Variants in POLK observed in about 807,000 individuals in gnomAD.
POLK encodes the protein polymerase (DNA directed) kappa.
Under a neutral mutation model 94.0 loss-of-function variants are expected in POLK, and 76 were observed. That is an observed-to-expected ratio of 0.81 (90% CI 0.67 to 0.98). POLK has a LOEUF of 0.98. Ranked by LOEUF, POLK falls within the 50% of genes least tolerant of loss-of-function variation. The probability of loss-of-function intolerance (pLI) is 0.00; values close to 1 mark genes in which losing one functional copy is unlikely to be tolerated. For synonymous variants in POLK, 349 were observed against 325.4 expected, an observed-to-expected ratio of 1.07 and a Z score of -0.78; for missense variants, 954 against 1,010.1, an observed-to-expected ratio of 0.94 and a Z score of 0.75.
At chr5:75,566,549 G>A (rs1339118723) in intron 3 of POLK, among the ~76,000 whole-genome samples, 3 of 152,196 alleles carry the variant, frequency 2.0e-5, no homozygotes, top group Admixed American at 6.5e-5. Context: ...TGGGAAAAGC[G>A]TAATATCTAG....
At chr5:75,511,502 C>A (rs1199101759), upstream of POLK, 8 of 1,485,044 alleles carry the variant, frequency 5.4e-6, no homozygotes, top group Non-Finnish European at 7.1e-6. Flanking sequence ...CCGAACTTAG[C>A]CCCCTCGATG....
chr5:75,550,484 C>T (rs1770282380), intron 2 of POLK, among the ~76,000 whole-genome samples: 1 of 152,070 alleles, frequency 6.6e-6, no homozygotes, highest in Non-Finnish European at 1.5e-5. Context: ...GAGGCTGAGA[C>T]AGGAGAATTG....
At chr5:75,558,467 C>T (rs1000578566) in intron 3 of POLK, among the ~76,000 whole-genome samples, 16 of 152,102 alleles carry the variant, frequency 1.1e-4, no homozygotes, top group African/African-American at 3.1e-4. Context: ...TTTATTGAAT[C>T]ATGAATCCTT....
At chr5:75,511,261 A>T, upstream of POLK, 1 of 1,599,034 alleles carries the variant, frequency 6.3e-7, no homozygotes, top group Non-Finnish European at 8.5e-7. Context: ...GCTGCGCCGG[A>T]GGAGGCGCCC....
rs556931783 is a variant in POLK at position 75,573,774 on chromosome 5, C to T, written c.445C>T (p.Arg149Cys). 17 of 1,612,756 alleles carry T rather than the reference C, an allele frequency of 1.1e-5. No individual in the cohort carries two copies. The Admixed American group carries it at 1.3e-4, about 13-fold the overall frequency. ...TTACCATGCAAGGAGATTTGGTGTT[C>T]GTGCAGCCATGCCAGGATTTATTGC... Residue 149 changes from arginine to cysteine, a missense_variant, in exon 5 of 15, where the codon CGT becomes TGT. Physicochemically the swap from Arg to Cys is radical, Grantham distance 180 (BLOSUM62 -3). Transcript: ENST00000241436.
intron 7 of POLK, chr5:75,581,649 G>T: frequency 4.0e-6 from 2 of 505,956 alleles, no homozygotes; most frequent in East Asian, 3.4e-5. Flanking sequence ...CTATGAGCCT[G>T]AAGGAAAAAA....
At chr5:75,543,532 G>T (rs1223392294) in intron 1 of POLK, among the ~76,000 whole-genome samples, 3 of 152,168 alleles carry the variant, frequency 2.0e-5, no homozygotes, top group Non-Finnish European at 2.9e-5. Context: ...GGCCGTAAAT[G>T]GAGCTGGTTG....
intron 3 of POLK, among the ~76,000 whole-genome samples, chr5:75,559,505 GTTTTTTTGTTTTGTTT>G (rs1770843183): frequency 4.3e-5 from 3 of 70,076 alleles, no homozygotes; most frequent in African/African-American, 1.4e-4. Flanking sequence ...TTTGGGGTTT[GTTTTTTTGTTTTGTTT>G]TGTTTTTTTT....
intron 1 of POLK, among the ~76,000 whole-genome samples, chr5:75,527,561 G>A (rs1025018673): frequency 4.1e-5 from 6 of 146,528 alleles, no homozygotes; most frequent in African/African-American, 1.5e-4. Flanking sequence ...GTGTATATAT[G>A]TATATATACA....
At chr5:75,551,447 A>G (rs890631361) in intron 2 of POLK, among the ~76,000 whole-genome samples, 1 of 152,156 alleles carries the variant, frequency 6.6e-6, no homozygotes, top group African/African-American at 2.4e-5. Context: ...TGCCTTGGGT[A>G]AAATATTTGT....
chr5:75,552,942 G>A (rs1333447727), intron 3 of POLK, among the ~76,000 whole-genome samples: 1 of 151,992 alleles, frequency 6.6e-6, no homozygotes, highest in Non-Finnish European at 1.5e-5. Context: ...AAAAGGCCAC[G>A]GGATAAATGT....
intron 1 of POLK, among the ~76,000 whole-genome samples, chr5:75,518,754 G>A (rs1463865899): frequency 6.6e-6 from 1 of 152,012 alleles, no homozygotes; most frequent in Non-Finnish European, 1.5e-5. Flanking sequence ...AATTATTATT[G>A]TAAACTTCTC....
At chr5:75,598,605 G>A (rs566082620) in exon 15 of POLK, 1 of 152,590 alleles carries the variant, frequency 6.6e-6, no homozygotes, top group South Asian at 2.1e-4. Flanking sequence ...ATTATCTTAT[G>A]AATAAGCACT....
intron 1 of POLK, among the ~76,000 whole-genome samples, chr5:75,527,689 T>A (rs1324827576): frequency 6.6e-6 from 1 of 152,144 alleles, no homozygotes; most frequent in Admixed American, 6.5e-5. Flanking sequence ...CTTAAATTTT[T>A]AATTCTTTTT....
chr5:75,546,847 A>T (rs961468197), intron 1 of POLK, among the ~76,000 whole-genome samples, 163 bp from the exon 2 acceptor site: 2 of 151,932 alleles, frequency 1.3e-5, no homozygotes, highest in African/African-American at 4.8e-5. Context: ...TTTGTATTTT[A>T]GTAGAGACAG....
intron 11 of POLK, among the ~76,000 whole-genome samples, chr5:75,592,124 T>C (rs758423370): frequency 1.2e-4 from 18 of 152,206 alleles, no homozygotes; most frequent in Non-Finnish European, 2.6e-4. Context: ...GTTCATATTG[T>C]TTTATAACCA....
At chr5:75,531,635 A>G (rs1221804604) in intron 1 of POLK, among the ~76,000 whole-genome samples, 1 of 152,102 alleles carries the variant, frequency 6.6e-6, no homozygotes, top group Non-Finnish European at 1.5e-5. Flanking sequence ...TCTACTAAAA[A>G]TACAAAAATT....
chr5:75,569,193 G>C, intron 3 of POLK, 147 bp from the exon 4 acceptor site: 1 of 591,198 alleles, frequency 1.7e-6, no homozygotes, highest in Non-Finnish European at 2.9e-6. Flanking sequence ...AAGTGGATGG[G>C]TGGATGGATG....
intron 1 of POLK, among the ~76,000 whole-genome samples, chr5:75,532,872 C>T (rs1404866207): frequency 1.3e-5 from 2 of 152,128 alleles, no homozygotes; most frequent in Admixed American, 1.3e-4. Flanking sequence ...TTGTTAGCCA[C>T]GTGTATGTCT....
Sources: allele counts gnomAD v4.1 joint callset (sites outside exome capture counted in the v4.1 genomes callset), GRCh38; gene constraint gnomAD v4.1.1; transcripts MANE v1.5; gene names NCBI Gene and HGNC (gene_info 2026-07-23, HGNC 2026-07-21).